The following TNR variants were observed in gnomAD, a reference collection of about 807,000 sequenced individuals.
TNR encodes tenascin-R.
In TNR, 45 loss-of-function variants were observed where a neutral mutation model predicts 150.4. The observed-to-expected ratio is 0.30, with a 90% CI of 0.24 to 0.38. TNR has a LOEUF of 0.38. Ranked by LOEUF, TNR falls within the 10% of genes least tolerant of loss-of-function variation. The pLI, the probability that TNR is intolerant of heterozygous loss-of-function variation, is 1.00. For missense variants in TNR, 1,544 were observed against 1,759.1 expected (o/e 0.88, Z 2.19); for synonymous variants, 687 against 678.4 (o/e 1.01, Z -0.20).
Position 175,324,507 on chromosome 1 carries a change from C to T in TNR, c.3806G>A (p.Ser1269Asn), listed in dbSNP as rs1649248431. 3.1e-6 allele frequency: 5 copies of T among 1,613,652 alleles called. No homozygotes were observed. The South Asian group carries it at 4.4e-5, about 14-fold the overall frequency. The change falls in exon 22 of 23, where the codon AGC (serine) becomes AAC (asparagine). Residue 1269 changes from serine to asparagine, a missense_variant. By Grantham distance (46) the Ser-to-Asn change is conservative. This residue lies in a region of TNR where 290 missense variants were observed against 429.7 expected (regional missense o/e 0.67). Transcript: ENST00000367674. Reference sequence around the variant, plus strand: ...GGAGAAAGGGCGTCCTTGATGATAGCTGAGGGAGTCCCCTGCAAAAAAGAT... The same window carrying T: ...GGAGAAAGGGCGTCCTTGATGATAGTTGAGGGAGTCCCCTGCAAAAAAGAT... Reference protein sequence around the residue: ...SYNGTAGDSLSYHQGRPFSTE... With the variant: ...SYNGTAGDSLNYHQGRPFSTE...
chr1:175,331,037 C>CTT (rs761063754), intron 20 of TNR, among the ~76,000 whole-genome samples: 1 of 72,476 alleles, frequency 1.4e-5, no homozygotes, highest in Non-Finnish European at 3.0e-5. Context: ...TTCTTTCTTT[C>CTT]TTTCTTTCTT....
chr1:175,619,879 G>A (rs1663913231), intron 1 of TNR, among the ~76,000 whole-genome samples: 1 of 152,214 alleles, frequency 6.6e-6, no homozygotes, highest in African/African-American at 2.4e-5. Flanking sequence ...ATGAAAACAA[G>A]GAGGACTTCA....
At chr1:175,466,753 T>C (rs912177954) in intron 2 of TNR, among the ~76,000 whole-genome samples, 6 of 152,186 alleles carry the variant, frequency 3.9e-5, no homozygotes, top group Admixed American at 1.3e-4. Context: ...ACCTGCCAGA[T>C]TGCCTACTGC....
At chr1:175,453,719 G>A (rs1656429840) in intron 2 of TNR, among the ~76,000 whole-genome samples, 1 of 151,854 alleles carries the variant, frequency 6.6e-6, no homozygotes, top group Non-Finnish European at 1.5e-5. Context: ...CTACAGGCAT[G>A]CACCACCACA....
intron 2 of TNR, among the ~76,000 whole-genome samples, chr1:175,440,453 C>A (rs948257458): frequency 3.3e-5 from 5 of 151,018 alleles, no homozygotes; most frequent in East Asian, 1.9e-4. Flanking sequence ...TGCAGCACAC[C>A]AACATGGCAC....
At chr1:175,350,396 T>G (rs747021140) in intron 18 of TNR, among the ~76,000 whole-genome samples, 3 of 152,244 alleles carry the variant, frequency 2.0e-5, no homozygotes, top group Non-Finnish European at 4.4e-5. Flanking sequence ...ACAATGAAAC[T>G]GCCTCTCAGA....
chr1:175,450,789 A>G (rs1656270258), intron 2 of TNR, among the ~76,000 whole-genome samples: 1 of 152,218 alleles, frequency 6.6e-6, no homozygotes, highest in African/African-American at 2.4e-5. Context: ...AAAAGGGCCC[A>G]TAAAAATCTA....
chr1:175,492,957 G>A lies in TNR; in HGVS notation c.-64+35312C>T, dbSNP rs576566955. ...TTCTAGGTAGTGGATGGCTGGTGGG[G>A]TGCAGGCATGAACACAGGCAATACG... is the stretch of plus-strand genomic sequence containing the variant. On this transcript the variant is annotated intron_variant, in intron 2 of 22. Transcript: ENST00000367674. Among the ~76,000 whole-genome samples the A allele has an allele frequency of 7.2e-5, 11 of 152,282 alleles. No homozygotes were observed. The South Asian group carries it at 2.1e-3, about 29-fold the overall frequency.
At chr1:175,381,494 T>C (rs1484340765) in intron 8 of TNR, among the ~76,000 whole-genome samples, 1 of 152,200 alleles carries the variant, frequency 6.6e-6, no homozygotes, top group Non-Finnish European at 1.5e-5. Flanking sequence ...TCAATGATCC[T>C]GAAAGAAGTC....
chr1:175,607,675 C>A (rs1427366684), intron 1 of TNR, among the ~76,000 whole-genome samples: 1 of 152,164 alleles, frequency 6.6e-6, no homozygotes, highest in African/African-American at 2.4e-5. Context: ...CTGAAAGGAT[C>A]AAAGTGAACG....
At chr1:175,491,486 G>T (rs1028343444) in intron 2 of TNR, among the ~76,000 whole-genome samples, 1 of 152,082 alleles carries the variant, frequency 6.6e-6, no homozygotes, top group African/African-American at 2.4e-5. Flanking sequence ...AGGGAGAAAG[G>T]CTGAACTATG....
At chr1:175,426,512 G>A (rs1654973239) in intron 2 of TNR, among the ~76,000 whole-genome samples, 1 of 152,032 alleles carries the variant, frequency 6.6e-6, no homozygotes, top group Admixed American at 6.6e-5. Flanking sequence ...TCCACGGGCA[G>A]AACTTGAAAG....
chr1:175,506,022 A>G (rs1414386938), intron 2 of TNR, among the ~76,000 whole-genome samples: 1 of 152,246 alleles, frequency 6.6e-6, no homozygotes, highest in Non-Finnish European at 1.5e-5. Flanking sequence ...CCTGGGCAAC[A>G]TAGTGAGACT....
chr1:175,623,349 T>C (rs1664039572), intron 1 of TNR, among the ~76,000 whole-genome samples: 1 of 152,204 alleles, frequency 6.6e-6, no homozygotes, highest in Admixed American at 6.5e-5. Context: ...CTTTGGATAA[T>C]AAATAAAAGA....
chr1:175,412,412 C>T lies in TNR; in HGVS notation c.-63-5635G>A, dbSNP rs115589797. ...CCAGAAATTGCTTCAGTCTCTCCTC[C>T]TTGAGAGGAGGCTTGTTTGATGGCT... On this transcript the variant is annotated intron_variant, in intron 2 of 22. Coordinates refer to ENST00000367674, the MANE Select transcript of TNR (RefSeq NM_003285.3). Among the ~76,000 whole-genome samples the T allele has an allele frequency of 7.3e-3, 1,108 of 152,270 alleles. 16 individuals are homozygous for T. The highest frequency in any genetic ancestry group is 0.026 in the African/African-American group (1,063 of 41,556).
rs1648868933 is a variant in TNR, at chr1:175,317,114, TGA to T, written c.*6241_*6242del. 1 of 152,276 alleles carries T rather than the reference TGA, an allele frequency of 6.6e-6. No individual in the cohort carries two copies. Among genetic ancestry groups the T allele is most frequent in the Non-Finnish European group, 1.5e-5 (1 of 68,048 alleles). 9.4% of individuals were successfully genotyped at this position (152,276 alleles called of 1,614,324 possible). On this transcript the variant is annotated 3_prime_UTR_variant, in exon 23 of 23. Transcript: ENST00000367674. Reference sequence around the variant, plus strand: ...CCCTCTTCTATAAAATGGTTAAACCTGACTTAAAGTTTATGGTGAGGATTTAG... The same window carrying T: ...CCCTCTTCTATAAAATGGTTAAACCTCTTAAAGTTTATGGTGAGGATTTAG...
At chr1:175,526,542 C>T (rs1557987029) in intron 2 of TNR, among the ~76,000 whole-genome samples, 1 of 152,226 alleles carries the variant, frequency 6.6e-6, no homozygotes, top group Non-Finnish European at 1.5e-5. Flanking sequence ...ACTTCAAAAC[C>T]TGTCTGCAGT....
Position 175,317,409 on chromosome 1 carries a change from T to C in TNR, c.*5948A>G, listed in dbSNP as rs879811798. 2.6e-5 allele frequency: 4 copies of C among 152,228 alleles called. No individual in the cohort carries two copies. Among genetic ancestry groups the C allele is most frequent in the Admixed American group, 1.3e-4 (2 of 15,288 alleles). The allele number at this position is 152,228 out of a possible 1,614,324, so 9.4% of individuals were successfully genotyped here. A position where few individuals can be genotyped will look rare whatever the true frequency, so the allele number is the denominator to read the frequency against. On this transcript the variant is annotated 3_prime_UTR_variant, in exon 23 of 23. Transcript: ENST00000367674. ...CAGCTCTGAAAGTGTATTTCCAACA[T>C]TTGCCTGTTGGAGGCAGTGTTGAGC...
intron 1 of TNR, among the ~76,000 whole-genome samples, chr1:175,645,362 T>C (rs114701372): frequency 0.014 from 2,140 of 152,324 alleles, 28 homozygotes; most frequent in Non-Finnish European, 0.024. Flanking sequence ...AGATAGGCTT[T>C]AAGATTCCCG....
Sources: gnomAD v4.1 joint callset for allele counts (sites outside exome capture counted in the v4.1 genomes callset) on GRCh38, gnomAD v4.1.1 for gene constraint, gnomAD v4.1.1 regional missense constraint, MANE v1.5 for transcripts, NCBI Gene and HGNC (gene_info 2026-07-23, HGNC 2026-07-21) for gene names.